The following CSMD1 variants were observed in gnomAD, a reference collection of about 807,000 sequenced individuals.
The protein encoded by CSMD1 is CUB and sushi domain-containing protein 1.
In CSMD1, 213 loss-of-function variants were observed where a neutral mutation model predicts 417.5. The ratio of observed to expected loss-of-function variants is 0.51; its 90% CI spans 0.46 to 0.57. The LOEUF (loss-of-function observed/expected upper bound fraction) is 0.57, where lower values mean the gene tolerates loss of function less well. CSMD1 is among the 20% of genes least tolerant of loss of function. The pLI is 0.00. For synonymous variants in CSMD1, 2,862 were observed against 1,736.8 expected, an observed-to-expected ratio of 1.65 and a Z score of -16.11; for missense variants, 6,923 against 4,529.7, an observed-to-expected ratio of 1.53 and a Z score of -15.17.
At chr8:4,226,431 T>C (rs1290651868) in intron 3 of CSMD1, among the ~76,000 whole-genome samples, 1 of 152,168 alleles carries the variant, frequency 6.6e-6, no homozygotes, top group African/African-American at 2.4e-5. Context: ...GCAGAATTAA[T>C]TCAGCACACA....
intron 12 of CSMD1, among the ~76,000 whole-genome samples, chr8:3,448,177 G>A (rs1216651346): frequency 2.0e-5 from 3 of 150,398 alleles, no homozygotes; most frequent in Non-Finnish European, 4.4e-5. Context: ...AGTAGATAGT[G>A]AAGACAGAAC....
intron 37 of CSMD1, among the ~76,000 whole-genome samples, chr8:3,169,766 T>A (rs1204236482): frequency 6.6e-6 from 1 of 152,194 alleles, no homozygotes; most frequent in Non-Finnish European, 1.5e-5. Flanking sequence ...ACGGTTTCTT[T>A]TCAAATAGCA....
intron 1 of CSMD1, among the ~76,000 whole-genome samples, chr8:4,749,372 C>G (rs537114259): frequency 3.3e-5 from 5 of 152,310 alleles, no homozygotes; most frequent in African/African-American, 4.8e-5. Flanking sequence ...AGCATAGTTG[C>G]TAAGCGGTCC....
intron 5 of CSMD1, among the ~76,000 whole-genome samples, chr8:3,972,278 A>G (rs973449157): frequency 5.3e-5 from 8 of 152,198 alleles, no homozygotes; most frequent in Admixed American, 5.2e-4. Flanking sequence ...TTTTATAAGT[A>G]CTAGATACAT....
At chr8:2,979,876 TAAGGCATGTACATGCCCCTAC>T (rs1805259518) in intron 54 of CSMD1, among the ~76,000 whole-genome samples, 1 of 152,174 alleles carries the variant, frequency 6.6e-6, no homozygotes, top group Non-Finnish European at 1.5e-5. Flanking sequence ...AAATAATTTT[TAAGGCATGTACATGCCCCTAC>T]AGGGCATGTA....
chr8:4,222,829 G>C (rs530775910), intron 3 of CSMD1, among the ~76,000 whole-genome samples: 9 of 152,200 alleles, frequency 5.9e-5, no homozygotes, highest in South Asian at 2.1e-4. Flanking sequence ...CAGACTAAGA[G>C]TCGCTGAAAA....
chr8:4,012,075 T>C (rs1421430244), intron 4 of CSMD1, among the ~76,000 whole-genome samples: 1 of 152,162 alleles, frequency 6.6e-6, no homozygotes, highest in Non-Finnish European at 1.5e-5. Flanking sequence ...ATCATATGCC[T>C]AGCTATATTG....
intron 3 of CSMD1, among the ~76,000 whole-genome samples, chr8:4,112,831 G>A (rs1372491042): frequency 6.6e-6 from 1 of 152,112 alleles, no homozygotes. Context: ...GCTCTTCACT[G>A]TATTGCACTT....
At chr8:3,323,446 A>ACC (rs1326316770) in intron 23 of CSMD1, among the ~76,000 whole-genome samples, 10 of 149,968 alleles carry the variant, frequency 6.7e-5, no homozygotes, top group African/African-American at 2.5e-4. Context: ...TCCATTCTGA[A>ACC]CCCCTCTCTC....
At chr8:4,252,358 T>C (rs1167408847) in intron 3 of CSMD1, among the ~76,000 whole-genome samples, 3 of 152,206 alleles carry the variant, frequency 2.0e-5, no homozygotes, top group African/African-American at 7.2e-5. Context: ...AGCTTTTCTG[T>C]CCAATAGACG....
chr8:3,443,643 T>C (rs1439745054), intron 12 of CSMD1, among the ~76,000 whole-genome samples: 1 of 152,194 alleles, frequency 6.6e-6, no homozygotes, highest in Non-Finnish European at 1.5e-5. Flanking sequence ...CTGTGGAATA[T>C]CAAAGTATGC....
At chr8:4,846,829 T>C (rs1176393660) in intron 1 of CSMD1, among the ~76,000 whole-genome samples, 4 of 152,222 alleles carry the variant, frequency 2.6e-5, no homozygotes, top group African/African-American at 7.2e-5. Flanking sequence ...ATCTGGCATA[T>C]ATATGCGTAT....
At chr8:4,907,285 C>T (rs1224558057) in intron 1 of CSMD1, among the ~76,000 whole-genome samples, 1 of 152,110 alleles carries the variant, frequency 6.6e-6, no homozygotes, top group Non-Finnish European at 1.5e-5. Context: ...GTACCTTCTG[C>T]ATTGATTTCT....
At chr8:3,818,528 G>C (rs889203680) in intron 5 of CSMD1, among the ~76,000 whole-genome samples, 2 of 152,142 alleles carry the variant, frequency 1.3e-5, no homozygotes, top group African/African-American at 2.4e-5. Context: ...GACCAGGGTA[G>C]GCTTACCCCA....
intron 9 of CSMD1, among the ~76,000 whole-genome samples, chr8:3,584,602 C>G (rs1800520616): frequency 6.6e-6 from 1 of 151,844 alleles, no homozygotes; most frequent in African/African-American, 2.4e-5. Context: ...AGAGTCAGGG[C>G]CAAGAAAGGC....
chr8:4,788,367 C>T (rs1344054236), intron 1 of CSMD1: 1 of 1,468,946 alleles, frequency 6.8e-7, no homozygotes, highest in Non-Finnish European at 9.4e-7. Flanking sequence ...CTGTCCTCCC[C>T]TCACACCAGA....
intron 27 of CSMD1, among the ~76,000 whole-genome samples, chr8:3,229,397 T>G (rs1202924913): frequency 1.3e-5 from 2 of 152,216 alleles, no homozygotes; most frequent in African/African-American, 4.8e-5. Flanking sequence ...ACAATCTACC[T>G]GCAATTACTA....
chr8:3,788,329 G>A lies in CSMD1; in HGVS notation c.819-34287C>T, dbSNP rs533207828. On this transcript the variant is annotated intron_variant, in intron 5 of 69. Transcript: ENST00000635120. The stretch of plus-strand genomic sequence containing the variant: ...AAATGCATAATAAATTAAGGGATGG[G>A]CTTTAGGTACCCTGAGGTGTGCAGC... Among the ~76,000 whole-genome samples the A allele has an allele frequency of 6.4e-4, 97 of 152,246 alleles. 1 individual carries two copies. The South Asian group carries it at 0.016, about 25-fold the overall frequency.
intron 5 of CSMD1, among the ~76,000 whole-genome samples, chr8:3,899,532 GA>G (rs1415274007): frequency 6.6e-6 from 1 of 152,038 alleles, no homozygotes; most frequent in Non-Finnish European, 1.5e-5. Flanking sequence ...TAAGGAAGTG[GA>G]AAAACATCTA....
Sources: allele counts gnomAD v4.1 joint callset (sites outside exome capture counted in the v4.1 genomes callset), GRCh38; gene constraint gnomAD v4.1.1; transcripts MANE v1.5; gene names NCBI Gene and HGNC (gene_info 2026-07-23, HGNC 2026-07-21).